The following GALNTL6 variants were observed in gnomAD, a reference collection of about 807,000 sequenced individuals.
GALNTL6 encodes polypeptide N-acetylgalactosaminyltransferase-like 6.
In GALNTL6, 46 loss-of-function variants were observed where a neutral mutation model predicts 73.7. The ratio of observed to expected loss-of-function variants is 0.62; its 90% CI spans 0.49 to 0.80. The LOEUF (loss-of-function observed/expected upper bound fraction) is 0.80, where lower values mean the gene tolerates loss of function less well. Ranked by LOEUF, GALNTL6 falls within the 30% of genes least tolerant of loss-of-function variation. The pLI is 0.00. For missense variants in GALNTL6, 604 were observed against 755.0 expected, an observed-to-expected ratio of 0.80 and a Z score of 2.34; for synonymous variants, 259 against 263.7, an observed-to-expected ratio of 0.98 and a Z score of 0.17.
At chr4:172,829,692 A>G (rs1317828696) in intron 7 of GALNTL6, among the ~76,000 whole-genome samples, 1 of 152,220 alleles carries the variant, frequency 6.6e-6, no homozygotes, top group Admixed American at 6.5e-5. Flanking sequence ...TTTAAGTAAT[A>G]GATTTCTAAC....
In GALNTL6 at chr4:172,586,863, T is replaced by C. The variant is rs1466216483; in HGVS notation, c.554-222498T>C. Among the ~76,000 whole-genome samples, 6 of 152,186 alleles carry C rather than the reference T, an allele frequency of 3.9e-5. No individual in the cohort carries two copies. In the East Asian group the frequency reaches 1.2e-3, roughly 29 times the overall value. On this transcript the variant is annotated intron_variant, in intron 5 of 12. Transcript: ENST00000506823. ...CTTCCACTTTGGGGAGTAGAGCAAG[T>C]GTTGGCCTAAAAACGTCTCCTGATT...
At chr4:172,196,132 A>C (rs546248866) in intron 2 of GALNTL6, among the ~76,000 whole-genome samples, 1 of 152,206 alleles carries the variant, frequency 6.6e-6, no homozygotes, top group African/African-American at 2.4e-5. Flanking sequence ...CTGACCCCAC[A>C]GAAATACAAA....
At chr4:172,192,130 G>T (rs1468952291) in intron 2 of GALNTL6, among the ~76,000 whole-genome samples, 1 of 151,890 alleles carries the variant, frequency 6.6e-6, no homozygotes, top group Admixed American at 6.6e-5. Flanking sequence ...AATATTAATT[G>T]TAATTACTAA....
At position 172,196,643 on chromosome 4, in the gene GALNTL6, T is replaced by C. The variant is rs562019358; in HGVS notation, c.139-33013T>C. ...CTCAATGCAAGGCTGGTTCAACTTA[T>C]ACAAATCAATAAATGTAAGTTATCA... On this transcript the variant is annotated intron_variant, in intron 2 of 12. Coordinates refer to ENST00000506823, the MANE Select transcript of GALNTL6 (RefSeq NM_001034845.3). Among the ~76,000 whole-genome samples the C allele has an allele frequency of 3.3e-5, 5 of 152,270 alleles. No homozygotes were observed. In the South Asian group the frequency reaches 6.2e-4, roughly 19 times the overall value.
chr4:172,200,536 G>A (rs1735919388), intron 2 of GALNTL6, among the ~76,000 whole-genome samples: 1 of 152,140 alleles, frequency 6.6e-6, no homozygotes, highest in Non-Finnish European at 1.5e-5. Flanking sequence ...AATCCATTGT[G>A]TTCTTTATAA....
chr4:172,170,541 GCT>G (rs1734781957), intron 2 of GALNTL6, among the ~76,000 whole-genome samples: 2 of 131,760 alleles, frequency 1.5e-5, no homozygotes, highest in African/African-American at 2.9e-5. Flanking sequence ...ACAGAGTCTC[GCT>G]CTGTCACCCA....
At chr4:172,074,688 C>T (rs757875526) in intron 2 of GALNTL6, among the ~76,000 whole-genome samples, 1 of 152,054 alleles carries the variant, frequency 6.6e-6, no homozygotes, top group Non-Finnish European at 1.5e-5. Context: ...CTGTCCCTAC[C>T]CTTCTTATAA....
chr4:172,065,486 A>C (rs1311288664), intron 2 of GALNTL6, among the ~76,000 whole-genome samples: 1 of 152,146 alleles, frequency 6.6e-6, no homozygotes, highest in African/African-American at 2.4e-5. Flanking sequence ...CCCAATTCAA[A>C]TGTAACATCA....
intron 5 of GALNTL6, among the ~76,000 whole-genome samples, chr4:172,683,550 C>T (rs1732751421): frequency 6.6e-6 from 1 of 152,120 alleles, no homozygotes; most frequent in South Asian, 2.1e-4. Flanking sequence ...TGCCAGAAAT[C>T]CATGAAAAAG....
chr4:173,031,965 T>C (rs1753478399), intron 12 of GALNTL6, among the ~76,000 whole-genome samples: 1 of 152,182 alleles, frequency 6.6e-6, no homozygotes, highest in Admixed American at 6.5e-5. Flanking sequence ...ATGGAGACTT[T>C]TACCTTTTTA....
At chr4:172,912,169 C>T (rs1747238944) in intron 8 of GALNTL6, among the ~76,000 whole-genome samples, 1 of 152,148 alleles carries the variant, frequency 6.6e-6, no homozygotes, top group Non-Finnish European at 1.5e-5. Flanking sequence ...AGTCCTTCAC[C>T]CAAAACCAAA....
chr4:172,472,826 C>T (rs1733099128), intron 5 of GALNTL6, among the ~76,000 whole-genome samples: 1 of 152,082 alleles, frequency 6.6e-6, no homozygotes, highest in Non-Finnish European at 1.5e-5. Flanking sequence ...AGTAGCATGC[C>T]ATGTCATGCA....
intron 2 of GALNTL6, among the ~76,000 whole-genome samples, chr4:171,902,116 A>G (rs1255173866): frequency 2.0e-5 from 3 of 152,172 alleles, no homozygotes; most frequent in Non-Finnish European, 4.4e-5. Context: ...AACAAGAAAT[A>G]CACAGCTCAA....
chr4:172,468,084 G>C (rs537066422), intron 5 of GALNTL6, among the ~76,000 whole-genome samples: 5 of 151,828 alleles, frequency 3.3e-5, no homozygotes, highest in Non-Finnish European at 5.9e-5. Flanking sequence ...TAGAGATAAA[G>C]TCTTGAGATG....
chr4:172,736,720 T>TA (rs1386999885), intron 5 of GALNTL6, among the ~76,000 whole-genome samples: 5 of 152,238 alleles, frequency 3.3e-5, no homozygotes, highest in African/African-American at 4.8e-5. Flanking sequence ...TAAGAAATTA[T>TA]AAAAATATTA....
At chr4:171,900,251 G>C (rs1315889768) in intron 2 of GALNTL6, among the ~76,000 whole-genome samples, 1 of 152,016 alleles carries the variant, frequency 6.6e-6, no homozygotes, top group African/African-American at 2.4e-5. Context: ...CACAATTCAC[G>C]CTAAAACTTT....
chr4:172,008,837 A>G (rs976635704), intron 2 of GALNTL6, among the ~76,000 whole-genome samples: 16 of 151,982 alleles, frequency 1.1e-4, no homozygotes, highest in African/African-American at 3.6e-4. Flanking sequence ...TCAACCTCCA[A>G]TCTTTAGTCT....
intron 5 of GALNTL6, among the ~76,000 whole-genome samples, chr4:172,643,225 G>A (rs1355493243): frequency 6.6e-6 from 1 of 151,786 alleles, no homozygotes; most frequent in African/African-American, 2.4e-5. Flanking sequence ...TACGTCAAAG[G>A]CAAATGAAGA....
At chr4:172,956,183 G>A (rs893980698) in intron 10 of GALNTL6, among the ~76,000 whole-genome samples, 4 of 152,162 alleles carry the variant, frequency 2.6e-5, no homozygotes, top group African/African-American at 7.2e-5. Context: ...GGGCTGCTTC[G>A]AGCAGGATTA....
Sources: gnomAD v4.1 joint callset for allele counts (sites outside exome capture counted in the v4.1 genomes callset) on GRCh38, gnomAD v4.1.1 for gene constraint, MANE v1.5 for transcripts, NCBI Gene and HGNC (gene_info 2026-07-23, HGNC 2026-07-21) for gene names.